CNTN3: variants seen among roughly 807,000 people sequenced by gnomAD.
CNTN3 encodes contactin 3, also known as contactin-3.
Under a neutral mutation model 119.1 loss-of-function variants are expected in CNTN3, and 60 were observed. The ratio of observed to expected loss-of-function variants is 0.50; its 90% CI spans 0.41 to 0.62. The LOEUF (loss-of-function observed/expected upper bound fraction) is 0.62. Ranked by LOEUF, CNTN3 falls within the 20% of genes least tolerant of loss-of-function variation. CNTN3 has a pLI of 0.00. For missense variants in CNTN3, 1,101 were observed against 1,242.4 expected (o/e 0.89, Z 1.71); for synonymous variants, 450 against 438.7 (o/e 1.03, Z -0.32).
At chr3:74,368,409 C>T (rs1038957088) in intron 8 of CNTN3, among the ~76,000 whole-genome samples, 11 of 152,056 alleles carry the variant, frequency 7.2e-5, no homozygotes, top group African/African-American at 2.7e-4. Flanking sequence ...ACTAGTTTTG[C>T]GATGTTTCTA....
At chr3:74,416,856 C>T (rs760881668) in intron 5 of CNTN3, among the ~76,000 whole-genome samples, 53 of 152,004 alleles carry the variant, frequency 3.5e-4, no homozygotes, top group Non-Finnish European at 6.2e-4. Context: ...GGCATGGTGG[C>T]GTGTGGCTAT....
chr3:74,441,608 G>A (rs1042621943), intron 4 of CNTN3, among the ~76,000 whole-genome samples: 1 of 152,144 alleles, frequency 6.6e-6, no homozygotes, highest in Non-Finnish European at 1.5e-5. Context: ...GTGCAAAAAT[G>A]TATACAAATT....
At chr3:74,438,150 T>C (rs1701903111) in intron 4 of CNTN3, among the ~76,000 whole-genome samples, 2 of 152,206 alleles carry the variant, frequency 1.3e-5, no homozygotes, top group Non-Finnish European at 2.9e-5. Context: ...TTCAATGCAG[T>C]TATCTTAATT....
chr3:74,302,138 T>C (rs1213266391), intron 14 of CNTN3, among the ~76,000 whole-genome samples: 1 of 152,150 alleles, frequency 6.6e-6, no homozygotes, highest in Admixed American at 6.6e-5. Context: ...CTGCTCCTGG[T>C]GTGATGCCTT....
At chr3:74,405,636 G>C (rs755481472) in intron 5 of CNTN3, among the ~76,000 whole-genome samples, 9 of 151,914 alleles carry the variant, frequency 5.9e-5, no homozygotes, top group Non-Finnish European at 1.3e-4. Flanking sequence ...ACAATAATGA[G>C]ATTTCATATT....
chr3:74,344,425 T>G lies in CNTN3; in HGVS notation c.1365-7767A>C, dbSNP rs1248468097. ...TTTTTTTTTTTTTTTTTTTTTTTTT[T>G]TTTTTTTTTTTTTTTTTTGAGACGG... On this transcript the variant is annotated intron_variant, in intron 11 of 22. Transcript: ENST00000263665. Among the ~76,000 whole-genome samples the G allele has an allele frequency of 1.3e-4, 4 of 31,350 alleles. 1 individual carries two copies. The highest frequency in any genetic ancestry group is 2.6e-3 in the East Asian group (2 of 772). The allele number at this position is 31,350 out of a possible 152,430, so 20.6% of individuals were successfully genotyped here. A position where few individuals can be genotyped will look rare whatever the true frequency, so the allele number is the denominator to read the frequency against.
chr3:74,535,921 T>C (rs1196713965), intron 1 of CNTN3, among the ~76,000 whole-genome samples: 2 of 152,052 alleles, frequency 1.3e-5, no homozygotes, highest in Non-Finnish European at 2.9e-5. Flanking sequence ...CCATCTAAAA[T>C]TCTAAAACCT....
intron 4 of CNTN3, among the ~76,000 whole-genome samples, chr3:74,457,463 A>G (rs1702291570): frequency 1.3e-5 from 2 of 152,042 alleles, no homozygotes; most frequent in African/African-American, 4.8e-5. Flanking sequence ...TAGAATAGAT[A>G]TTATATAATA....
chr3:74,559,617 G>A (rs200158584), intron 1 of CNTN3, among the ~76,000 whole-genome samples: 3 of 149,154 alleles, frequency 2.0e-5, no homozygotes, highest in African/African-American at 2.5e-5. Flanking sequence ...AAAAAGAAAA[G>A]AAAAAAAAAA....
intron 4 of CNTN3, among the ~76,000 whole-genome samples, chr3:74,432,859 C>T (rs1190443938): frequency 6.6e-6 from 1 of 152,144 alleles, no homozygotes; most frequent in Non-Finnish European, 1.5e-5. Flanking sequence ...TGTATAAACC[C>T]CCTAAGGGAA....
Position 74,355,345 on chromosome 3 carries a change from G to A in CNTN3, c.1364+6545C>T, listed in dbSNP as rs145096320. Among the ~76,000 whole-genome samples the A allele has an allele frequency of 1.3e-3, 205 of 152,140 alleles. 4 individuals carry two copies. In the East Asian group the frequency reaches 0.031, roughly 23 times the overall value. ...CTTCATTCCCACTGTCATTTCTTTA[G>A]TTCAGGCTGTAATACTGTTTTGCTC... On this transcript the variant is annotated intron_variant, in intron 11 of 22. Transcript: ENST00000263665.
intron 1 of CNTN3, among the ~76,000 whole-genome samples, chr3:74,527,781 T>C (rs1024181770): frequency 7.2e-5 from 11 of 151,966 alleles, no homozygotes; most frequent in African/African-American, 2.7e-4. Context: ...TCCGCAATTA[T>C]GGATGACTAT....
intron 4 of CNTN3, among the ~76,000 whole-genome samples, chr3:74,441,544 C>T (rs1701966744): frequency 6.6e-6 from 1 of 152,142 alleles, no homozygotes. Flanking sequence ...TAGAACCCCA[C>T]CCTTTGGTAC....
chr3:74,411,956 A>C (rs1481462809), intron 5 of CNTN3, among the ~76,000 whole-genome samples: 1 of 152,210 alleles, frequency 6.6e-6, no homozygotes, highest in African/African-American at 2.4e-5. Flanking sequence ...GTCACTGAAA[A>C]CATTGCATAT....
At chr3:74,393,861 T>C (rs1704978529) in intron 5 of CNTN3, among the ~76,000 whole-genome samples, 1 of 152,206 alleles carries the variant, frequency 6.6e-6, no homozygotes. Flanking sequence ...AGCACAATTG[T>C]AGCTGATATA....
chr3:74,530,518 A>C (rs1318231627), intron 1 of CNTN3, among the ~76,000 whole-genome samples: 1 of 151,674 alleles, frequency 6.6e-6, no homozygotes, highest in Admixed American at 6.6e-5. Flanking sequence ...CTGCCTTTGG[A>C]GGGATGCAGT....
chr3:74,595,126 C>T (rs1230109226), intron 1 of CNTN3, among the ~76,000 whole-genome samples: 1 of 151,750 alleles, frequency 6.6e-6, no homozygotes, highest in Non-Finnish European at 1.5e-5. Context: ...TATACTTTGC[C>T]CACTTTTTGA....
chr3:74,388,903 C>T (rs2106824619), intron 5 of CNTN3, among the ~76,000 whole-genome samples: 1 of 152,260 alleles, frequency 6.6e-6, no homozygotes, highest in South Asian at 2.1e-4. Context: ...TTAGTTACCA[C>T]ATTTTCATTT....
At chr3:74,302,151 C>T (rs1260875000) in intron 14 of CNTN3, among the ~76,000 whole-genome samples, 1 of 152,100 alleles carries the variant, frequency 6.6e-6, no homozygotes, top group African/African-American at 2.4e-5. Flanking sequence ...GATGCCTTTC[C>T]CTTTAATCCA....
Sources: allele counts gnomAD v4.1 joint callset (sites outside exome capture counted in the v4.1 genomes callset), GRCh38; gene constraint gnomAD v4.1.1; transcripts MANE v1.5; gene names NCBI Gene and HGNC (gene_info 2026-07-23, HGNC 2026-07-21).